The following GRM8 variants were observed in gnomAD, a reference collection of about 807,000 sequenced individuals.
GRM8 encodes metabotropic glutamate receptor 8.
GRM8 carries 47 observed loss-of-function variants against 87.2 expected under a neutral mutation model. That is an observed-to-expected ratio of 0.54 (90% confidence interval 0.43 to 0.69). GRM8 has a LOEUF of 0.69. Among genes scored for constraint, GRM8 ranks in the 30% least tolerant of loss-of-function variants. The probability of loss-of-function intolerance (pLI) is 0.00; values close to 1 mark genes in which losing one functional copy is unlikely to be tolerated. For synonymous variants in GRM8, 396 were observed against 404.5 expected, an observed-to-expected ratio of 0.98 and a Z score of 0.25; for missense variants, 1,019 against 1,139.2, an observed-to-expected ratio of 0.89 and a Z score of 1.52.
chr7:127,247,873 T>C (rs982142709), intron 1 of GRM8, among the ~76,000 whole-genome samples: 4 of 152,320 alleles, frequency 2.6e-5, no homozygotes, highest in Admixed American at 6.5e-5. Flanking sequence ...CTGATTTTGT[T>C]TGCAAGTTGA....
intron 9 of GRM8, among the ~76,000 whole-genome samples, chr7:126,480,531 A>G (rs1380398541): frequency 2.0e-5 from 3 of 152,154 alleles, no homozygotes; most frequent in Non-Finnish European, 2.9e-5. Flanking sequence ...AAGCTACTGT[A>G]TACATATACC....
At chr7:126,502,343 G>C (rs776272337) in intron 9 of GRM8, among the ~76,000 whole-genome samples, 127 of 152,042 alleles carry the variant, frequency 8.4e-4, no homozygotes, top group Non-Finnish European at 1.3e-3. Context: ...ATGTAGTTTA[G>C]AAGCCTCCCT....
intron 3 of GRM8, 61 bp downstream of exon 3, chr7:127,106,435 A>C: frequency 1.5e-6 from 2 of 1,292,412 alleles, no homozygotes; most frequent in Non-Finnish European, 2.2e-6. Context: ...GCACTTGGAG[A>C]TGCTCAGGCA....
At chr7:126,459,917 C>A (rs1003089198) in intron 9 of GRM8, among the ~76,000 whole-genome samples, 1 of 151,562 alleles carries the variant, frequency 6.6e-6, no homozygotes, top group African/African-American at 2.4e-5. Flanking sequence ...TCTTTCACAA[C>A]TCAAGGATCA....
rs202068497 is a variant in GRM8, at chr7:126,464,389, G to GT, written c.2431-18018dup. Among the ~76,000 whole-genome samples the GT allele has an allele frequency of 6.4e-3, 944 of 148,138 alleles. 9 individuals carry two copies. Among genetic ancestry groups the GT allele is most frequent in the African/African-American group, 0.022 (886 of 40,928 alleles). On this transcript the variant is annotated intron_variant, in intron 9 of 10. Coordinates refer to ENST00000339582, the MANE Select transcript of GRM8 (RefSeq NM_000845.3). Reference sequence around the variant, plus strand: ...GGGCAACAGATCATTGGGTCTTGTAGTTTTTTATTATTTTTTATGATTTTT... The same window carrying GT: ...GGGCAACAGATCATTGGGTCTTGTAGTTTTTTTATTATTTTTTATGATTTTT...
chr7:126,965,253 T>C (rs1201288421), intron 3 of GRM8, among the ~76,000 whole-genome samples: 1 of 152,064 alleles, frequency 6.6e-6, no homozygotes, highest in Non-Finnish European at 1.5e-5. Context: ...GACACGAATA[T>C]ACTTATGTAA....
At position 126,902,743 on chromosome 7, in the gene GRM8, C is replaced by T. The variant is rs1233594190; in HGVS notation, c.1019-64G>A. 15 of 1,154,356 alleles carry T rather than the reference C, an allele frequency of 1.3e-5. No homozygotes were observed. The African/African-American group carries it at 1.4e-4, about 11-fold the overall frequency. 71.5% of individuals were successfully genotyped at this position (1,154,356 alleles called of 1,614,324 possible). A position where few individuals can be genotyped will look rare whatever the true frequency, so the allele number is the denominator to read the frequency against. ...CAAAATTAAATATTGTCAGAACTTT[C>T]GAATGGACATTATATTCTGATCACT... On this transcript the variant is annotated intron_variant, in intron 5 of 10. Transcript: ENST00000339582.
chr7:126,733,965 TA>T (rs1376460789), intron 7 of GRM8, among the ~76,000 whole-genome samples: 7 of 152,022 alleles, frequency 4.6e-5, no homozygotes, highest in Non-Finnish European at 7.4e-5. Flanking sequence ...AAGCAGTTAG[TA>T]AATAAAAGTG....
At chr7:126,609,698 G>T (rs1310710031) in intron 7 of GRM8, among the ~76,000 whole-genome samples, 200 bp from the exon 8 acceptor site, 1 of 152,158 alleles carries the variant, frequency 6.6e-6, no homozygotes, top group African/African-American at 2.4e-5. Context: ...ACACGAGTAA[G>T]ACGTGCTTTA....
intron 2 of GRM8, among the ~76,000 whole-genome samples, chr7:127,223,814 T>C (rs939037748): frequency 2.0e-5 from 3 of 148,570 alleles, no homozygotes; most frequent in Non-Finnish European, 4.5e-5. Flanking sequence ...AACAAAAAAC[T>C]ACAAAGAACT....
At chr7:127,176,023 GACAGC>G (rs1219843091) in intron 2 of GRM8, among the ~76,000 whole-genome samples, 2 of 152,186 alleles carry the variant, frequency 1.3e-5, no homozygotes, top group African/African-American at 2.4e-5. Flanking sequence ...TGAAATGAAT[GACAGC>G]AATGTCATAA....
intron 2 of GRM8, among the ~76,000 whole-genome samples, chr7:127,224,463 C>CA (rs1273838180): frequency 2.0e-5 from 3 of 152,134 alleles, no homozygotes; most frequent in African/African-American, 7.2e-5. Context: ...AAATATTCTT[C>CA]AGGGATGACA....
intron 7 of GRM8, among the ~76,000 whole-genome samples, chr7:126,719,132 T>C (rs1007296642): frequency 2.0e-5 from 3 of 152,220 alleles, no homozygotes; most frequent in Non-Finnish European, 4.4e-5. Flanking sequence ...GATCTTTTTT[T>C]ACCTAAGTGT....
intron 9 of GRM8, among the ~76,000 whole-genome samples, chr7:126,504,439 G>A (rs1810124246): frequency 6.6e-6 from 1 of 151,906 alleles, no homozygotes; most frequent in South Asian, 2.1e-4. Context: ...CATTTATGGT[G>A]ATAATGTGTA....
chr7:126,527,283 G>C (rs1453941866), intron 9 of GRM8, among the ~76,000 whole-genome samples: 1 of 152,242 alleles, frequency 6.6e-6, no homozygotes, highest in Non-Finnish European at 1.5e-5. Context: ...GCTTGAACCT[G>C]GGAGGCAGAT....
chr7:127,101,377 C>A (rs1825228421), intron 3 of GRM8, among the ~76,000 whole-genome samples: 1 of 152,184 alleles, frequency 6.6e-6, no homozygotes, highest in Non-Finnish European at 1.5e-5. Flanking sequence ...TTTGTCCCTG[C>A]CAAAATCTCA....
At chr7:126,954,723 T>G (rs1450053862) in intron 3 of GRM8, among the ~76,000 whole-genome samples, 2 of 152,206 alleles carry the variant, frequency 1.3e-5, no homozygotes, top group African/African-American at 4.8e-5. Context: ...AGAGTGGTTG[T>G]GAAGAGTAAA....
chr7:127,054,799 A>T (rs1346288410), intron 3 of GRM8, among the ~76,000 whole-genome samples: 1 of 152,208 alleles, frequency 6.6e-6, no homozygotes, highest in East Asian at 1.9e-4. Flanking sequence ...ATAAACCAAA[A>T]TAGATATGGT....
chr7:126,776,163 A>G (rs1819448463), intron 6 of GRM8, among the ~76,000 whole-genome samples: 2 of 152,188 alleles, frequency 1.3e-5, no homozygotes, highest in South Asian at 4.1e-4. Context: ...ATTATTGCTG[A>G]GAATAATGTG....
Sources: allele counts gnomAD v4.1 joint callset (sites outside exome capture counted in the v4.1 genomes callset), GRCh38; gene constraint gnomAD v4.1.1; transcripts MANE v1.5; gene names NCBI Gene and HGNC (gene_info 2026-07-23, HGNC 2026-07-21).